Variants in VAV2 observed in about 807,000 individuals in gnomAD.
VAV2 encodes vav guanine nucleotide exchange factor 2, also known as guanine nucleotide exchange factor VAV2.
Under a neutral mutation model 132.5 loss-of-function variants are expected in VAV2, and 67 were observed. The observed-to-expected ratio is 0.51, with a 90% CI of 0.42 to 0.62. The LOEUF (loss-of-function observed/expected upper bound fraction) is 0.62. VAV2 is among the 20% of genes least tolerant of loss of function. The pLI is 0.00. For synonymous variants in VAV2, 492 were observed against 443.5 expected, an observed-to-expected ratio of 1.11 and a Z score of -1.37; for missense variants, 938 against 1,153.6, an observed-to-expected ratio of 0.81 and a Z score of 2.71.
intron 2 of VAV2, among the ~76,000 whole-genome samples, chr9:133,933,205 G>A (rs1423662979): frequency 5.3e-5 from 8 of 152,240 alleles, no homozygotes; most frequent in Non-Finnish European, 7.3e-5. Context: ...GGCTGATTGT[G>A]GGCCAGAGCC....
rs190717377 is a variant in VAV2, at chr9:133,989,575, C to T, written c.204+2500G>A. Among the ~76,000 whole-genome samples, 740 of 147,146 alleles carry T rather than the reference C, an allele frequency of 5.0e-3. 5 individuals are homozygous for T. The highest frequency in any genetic ancestry group is 0.022 in the Middle Eastern group (6 of 270). The stretch of plus-strand genomic sequence containing the variant: ...TGGAGCGTGCCGGTAGTCCCAGCTA[C>T]TCAGGAGGCTGAGGCAGCAGAATCG... On this transcript the variant is annotated intron_variant, in intron 1 of 29. Transcript: ENST00000371850.
intron 1 of VAV2, among the ~76,000 whole-genome samples, chr9:133,944,589 C>T (rs1252410970): frequency 1.3e-5 from 2 of 152,248 alleles, no homozygotes; most frequent in Non-Finnish European, 2.9e-5. Context: ...CACTGGCCCA[C>T]TGCACAGACA....
At chr9:133,779,573 C>A (rs1430493847) in intron 21 of VAV2, among the ~76,000 whole-genome samples, 3 of 152,242 alleles carry the variant, frequency 2.0e-5, no homozygotes, top group African/African-American at 7.2e-5. Flanking sequence ...CGCAGCAAGG[C>A]AGGAAGGGGA....
rs183631740 is a variant in VAV2 at position 133,988,132 on chromosome 9, C to T, written c.204+3943G>A. ...ACATCATAGAGGCCTCCGGGCTAGA[C>T]GGCCTCATATGCCATGACTGGCAGG... On this transcript the variant is annotated intron_variant, in intron 1 of 29. Transcript: ENST00000371850. Among the ~76,000 whole-genome samples, 1,520 of 152,336 alleles carry T rather than the reference C, an allele frequency of 1.0e-2. 9 individuals are homozygous for T. Among genetic ancestry groups the T allele is most frequent in the Non-Finnish European group, 0.014 (976 of 68,040 alleles).
In VAV2 at chr9:133,783,586, G is replaced by A. The variant is rs969726282; in HGVS notation, c.1640C>T (p.Thr547Ile). The change falls in exon 19 of 30, where the codon ACC (threonine) becomes ATC (isoleucine). Residue 547 changes from threonine (T) to isoleucine (I), a missense_variant. Transcript: ENST00000371850. ...CKACKMFLRGTFYQGYMCTKC... is the reference protein window; with the variant it reads ...CKACKMFLRGIFYQGYMCTKC... The stretch of plus-strand genomic sequence containing the variant: ...GGTACACATGTATCCCTGGTAGAAG[G>A]TGCCCCTGCACAGGGGAGGGCAGGA... 2.5e-6 allele frequency: 4 copies of A among 1,613,986 alleles called. No homozygotes were observed. The highest frequency in any genetic ancestry group is 3.3e-5 in the Admixed American group (2 of 60,020).
intron 1 of VAV2, among the ~76,000 whole-genome samples, chr9:133,990,548 C>T (rs1842983320): frequency 6.6e-6 from 1 of 152,198 alleles, no homozygotes; most frequent in Non-Finnish European, 1.5e-5. Context: ...CTGCCTCTGC[C>T]CTGAGCCCCA....
At chr9:133,959,693 C>A (rs1588173816) in intron 1 of VAV2, among the ~76,000 whole-genome samples, 1 of 152,204 alleles carries the variant, frequency 6.6e-6, no homozygotes, top group Non-Finnish European at 1.5e-5. Flanking sequence ...GAGGTAAGGA[C>A]CTCAAGAAGA....
intron 7 of VAV2, among the ~76,000 whole-genome samples, chr9:133,807,640 G>A (rs1386084814): frequency 2.0e-5 from 3 of 152,210 alleles, no homozygotes; most frequent in Non-Finnish European, 4.4e-5. Flanking sequence ...GGCTTGCGGT[G>A]AGGGGCTGAG....
intron 19 of VAV2, among the ~76,000 whole-genome samples, chr9:133,782,505 C>A (rs1000501830): frequency 2.6e-5 from 4 of 152,150 alleles, no homozygotes; most frequent in Non-Finnish European, 1.5e-5. Context: ...CTGGCCCTCT[C>A]CCCAGGTTAG....
At chr9:133,778,719 C>T (rs780257306) in intron 22 of VAV2, 43 bp downstream of exon 22, 1 of 1,604,662 alleles carries the variant, frequency 6.2e-7, no homozygotes, top group Non-Finnish European at 8.5e-7. Flanking sequence ...CAGGGAGGAG[C>T]TGGAGCCGGG....
intron 2 of VAV2, among the ~76,000 whole-genome samples, chr9:133,933,886 A>ATGGATGGATGGATGGGTGGATGGG (rs1840793941): frequency 8.6e-6 from 1 of 116,230 alleles, no homozygotes; most frequent in African/African-American, 3.4e-5. Flanking sequence ...TGGATGAATG[A>ATGGATGGATGGATGGGTGGATGGG]TGGATGGATG....
In VAV2 at chr9:133,879,655, C is replaced by A. The variant is rs115869906; in HGVS notation, c.322-18223G>T. Among the ~76,000 whole-genome samples, 1 of 152,188 alleles carries A rather than the reference C, an allele frequency of 6.6e-6. No individual in the cohort carries two copies. Among genetic ancestry groups the A allele is most frequent in the East Asian group, 1.9e-4 (1 of 5,202 alleles). The stretch of plus-strand genomic sequence containing the variant: ...AAGCAACAAGCCGCACACACCAGGA[C>A]GAACAGCACTGCTGGCTCAGATGAA... On this transcript the variant is annotated intron_variant, in intron 2 of 29. Coordinates refer to ENST00000371850, the MANE Select transcript of VAV2 (RefSeq NM_001134398.2). This position sits in a 1 kb window ranked among gnomAD's most constrained non-coding sequence, Gnocchi z 4.4.
chr9:133,913,769 G>A (rs1293124604), intron 2 of VAV2, among the ~76,000 whole-genome samples: 1 of 152,246 alleles, frequency 6.6e-6, no homozygotes, highest in Non-Finnish European at 1.5e-5. Flanking sequence ...GCCCAGGTCA[G>A]TGAGCCTCGG....
rs187693808 is a variant in VAV2 at position 133,860,400 on chromosome 9, G to A, written c.380+974C>T. ...TGAGAATCCAACAACGGAAGTCCCC[G>A]TGGGTTTAGGAACATTTACCCCTGC... On this transcript the variant is annotated intron_variant, in intron 3 of 29. Transcript: ENST00000371850. 3.9e-5 allele frequency among the ~76,000 whole-genome samples: 6 copies of A among 152,038 alleles called. No homozygotes were observed. The East Asian group carries it at 7.7e-4, about 20-fold the overall frequency.
chr9:133,848,093 C>T (rs540654973), intron 3 of VAV2, among the ~76,000 whole-genome samples: 10 of 152,038 alleles, frequency 6.6e-5, no homozygotes, highest in South Asian at 2.1e-4. Context: ...CTGGCTACCA[C>T]GGTGAAACCC....
chr9:133,835,362 G>A (rs1179112864), intron 3 of VAV2, among the ~76,000 whole-genome samples: 1 of 148,966 alleles, frequency 6.7e-6, no homozygotes, highest in Non-Finnish European at 1.5e-5. Context: ...ACCACTCAGA[G>A]CTGAAATGTC....
intron 3 of VAV2, among the ~76,000 whole-genome samples, chr9:133,858,893 A>G (rs1025494649): frequency 6.6e-6 from 1 of 152,210 alleles, no homozygotes; most frequent in African/African-American, 2.4e-5. Flanking sequence ...CCAGGGGGCC[A>G]CTGTGCCCAC....
At chr9:133,766,221 A>G (rs938288413) in intron 29 of VAV2, among the ~76,000 whole-genome samples, 2 of 152,222 alleles carry the variant, frequency 1.3e-5, no homozygotes, top group Non-Finnish European at 2.9e-5. Flanking sequence ...TTCTAGTTCT[A>G]GATCCCTGAG....
At position 133,992,216 on chromosome 9, in the gene VAV2, G is replaced by A; in HGVS notation, c.63C>T (p.His21=). The change falls in exon 1 of 30, where the codon CAC becomes CAT. Residue 21 remains histidine (H), a synonymous_variant. Coordinates refer to ENST00000371850, the MANE Select transcript of VAV2 (RefSeq NM_001134398.2). This position sits in a 1 kb window ranked among gnomAD's most constrained non-coding sequence, Gnocchi z 5.5. ...LIDCKVLPPN[H]RVVWPSAVVF... ...CCACGGCCGAGGGCCACACCACCCG[G>A]TGGTTGGGCGGCAGGACCTTGCAAT... is the stretch of plus-strand genomic sequence containing the variant. 2.5e-6 allele frequency: 4 copies of A among 1,594,498 alleles called. No homozygotes were observed. The highest frequency in any genetic ancestry group is 3.4e-6 in the Non-Finnish European group (4 of 1,171,126).
Sources: gnomAD v4.1 joint callset for allele counts (sites outside exome capture counted in the v4.1 genomes callset) on GRCh38, gnomAD v4.1.1 for gene constraint, Gnocchi (gnomAD v3.1) non-coding constraint, MANE v1.5 for transcripts, NCBI Gene and HGNC (gene_info 2026-07-23, HGNC 2026-07-21) for gene names.